Variants in RMND5A observed in about 807,000 individuals in gnomAD.
RMND5A encodes the protein E3 ubiquitin-protein transferase RMND5A.
In RMND5A, 17 loss-of-function variants were observed where a neutral mutation model predicts 49.7. The ratio of observed to expected loss-of-function variants is 0.34; its 90% CI spans 0.23 to 0.51. The LOEUF is 0.51. Among genes scored for constraint, RMND5A ranks in the 20% least tolerant of loss-of-function variants. The probability of loss-of-function intolerance (pLI) is 0.96; values close to 1 mark genes in which losing one functional copy is unlikely to be tolerated. For synonymous variants in RMND5A, 156 were observed against 167.7 expected (o/e 0.93, Z 0.54); for missense variants, 255 against 471.3 (o/e 0.54, Z 4.25).
chr2:86,744,652 A>G (rs180779046), intron 2 of RMND5A, among the ~76,000 whole-genome samples: 141 of 152,258 alleles, frequency 9.3e-4, no homozygotes, highest in Non-Finnish European at 1.5e-3. Context: ...AGCAGAATAG[A>G]AGTTTCTGGT....
At position 86,774,064 on chromosome 2, in the gene RMND5A, G is replaced by C. The variant is rs1163845612; in HGVS notation, c.*653G>C. On this transcript the variant is annotated 3_prime_UTR_variant, in exon 9 of 9. Coordinates refer to ENST00000283632, the MANE Select transcript of RMND5A (RefSeq NM_022780.4). ...ATTTCATTGTTTAACTGGCTGGTGT[G>C]AGAAGTCTTCCGTTAGCATAGAGTG... is the stretch of plus-strand genomic sequence containing the variant. 1 of 152,666 alleles carries C rather than the reference G, an allele frequency of 6.6e-6. No individual in the cohort carries two copies. The highest frequency in any genetic ancestry group is 1.5e-5 in the Non-Finnish European group (1 of 68,048). 9.5% of individuals were successfully genotyped at this position (152,666 alleles called of 1,614,324 possible).
chr2:86,747,279 C>A (rs1384369438), intron 2 of RMND5A, among the ~76,000 whole-genome samples: 1 of 152,172 alleles, frequency 6.6e-6, no homozygotes, highest in African/African-American at 2.4e-5. Flanking sequence ...GAAGGTGGGG[C>A]ATCTTCTCAT....
chr2:86,771,794 A>T (rs1421570680), intron 8 of RMND5A, 82 bp downstream of exon 8: 2 of 1,140,988 alleles, frequency 1.8e-6, no homozygotes, highest in Admixed American at 2.2e-5. Flanking sequence ...GATGAGGATT[A>T]AAAAAATGTA....
At chr2:86,721,655 G>T (rs765612790) in intron 1 of RMND5A, among the ~76,000 whole-genome samples, 1 of 151,638 alleles carries the variant, frequency 6.6e-6, no homozygotes, top group East Asian at 1.9e-4. Flanking sequence ...TACTTTTAAA[G>T]GTTTGGTTTT....
chr2:86,764,840 C>A (rs1672563634), intron 4 of RMND5A, among the ~76,000 whole-genome samples, 187 bp from the exon 5 acceptor site: 1 of 152,166 alleles, frequency 6.6e-6, no homozygotes. Context: ...GGCTGAAGGG[C>A]CTCTGCAAGT....
At chr2:86,772,680 T>TGC (rs2104413882) in intron 8 of RMND5A, among the ~76,000 whole-genome samples, 1 of 151,984 alleles carries the variant, frequency 6.6e-6, no homozygotes, top group Admixed American at 6.6e-5. Flanking sequence ...CTGCAACCTC[T>TGC]GCCTCCTGGG....
intron 5 of RMND5A, 58 bp from the exon 6 acceptor site, chr2:86,765,800 GC>G: frequency 6.7e-7 from 1 of 1,503,600 alleles, no homozygotes; most frequent in South Asian, 1.2e-5. Context: ...GGGTATTCTT[GC>G]TTTTCGCAGC....
Position 86,765,909 on chromosome 2 carries a change from A to G in RMND5A, c.739A>G (p.Asn247Asp). ...SLVYLRQGIE[N>D]SPYVHLLDAN... The stretch of plus-strand genomic sequence containing the variant: ...TGTGTACCTGAGACAAGGGATTGAG[A>G]ACTCACCATATGTTCACCTACTTGA... The change falls in exon 6 of 9, where the codon AAC becomes GAC. Residue 247 changes from asparagine to aspartate, a missense_variant. Physicochemically the swap from Asn to Asp is conservative, Grantham distance 23. Transcript: ENST00000283632. 1.2e-6 allele frequency: 2 copies of G among 1,614,118 alleles called. No homozygotes were observed. The highest frequency in any genetic ancestry group is 1.7e-6 in the Non-Finnish European group (2 of 1,180,026).
chr2:86,763,757 CAG>C (rs1330242749), intron 4 of RMND5A, among the ~76,000 whole-genome samples: 1 of 151,052 alleles, frequency 6.6e-6, no homozygotes. Context: ...GCCTGGGTGG[CAG>C]AGTGAGACCC....
intron 2 of RMND5A, among the ~76,000 whole-genome samples, chr2:86,750,270 C>A (rs532009428): frequency 1.3e-5 from 2 of 152,310 alleles, no homozygotes; most frequent in East Asian, 1.9e-4. Context: ...TGTCTGAAGA[C>A]TTTAGCAATA....
chr2:86,720,647 C>G lies in RMND5A; in HGVS notation c.-21C>G. 1.3e-6 allele frequency: 2 copies of G among 1,527,650 alleles called. No individual in the cohort carries two copies. The highest frequency in any genetic ancestry group is 2.3e-4 in the Middle Eastern group (1 of 4,350). The allele number at this position is 1,527,650 out of a possible 1,614,324, so 94.6% of individuals were successfully genotyped here. On this transcript the variant is annotated 5_prime_UTR_variant, in exon 1 of 9. Transcript: ENST00000283632. ...CTGCGGACACCTGGGCGCCGAGGAG[C>G]CGAGCGCCGCCGCCTCCGGCATGGA...
chr2:86,770,937 A>G (rs1174275955), intron 7 of RMND5A, among the ~76,000 whole-genome samples: 1 of 152,172 alleles, frequency 6.6e-6, no homozygotes, highest in Non-Finnish European at 1.5e-5. Flanking sequence ...TGAAAAGCTA[A>G]CATACGCATT....
At chr2:86,763,018 G>A (rs1316667307) in intron 4 of RMND5A, among the ~76,000 whole-genome samples, 1 of 151,868 alleles carries the variant, frequency 6.6e-6, no homozygotes, top group African/African-American at 2.4e-5. Context: ...ACTGCAGCCT[G>A]GGCAACGAAA....
intron 6 of RMND5A, among the ~76,000 whole-genome samples, chr2:86,766,879 T>G (rs1190524245): frequency 2.0e-5 from 3 of 152,106 alleles, no homozygotes; most frequent in Non-Finnish European, 4.4e-5. Flanking sequence ...ATTATTAGTT[T>G]TATTAAATCT....
chr2:86,753,381 T>A, intron 3 of RMND5A, 77 bp from the exon 4 acceptor site: 1 of 819,228 alleles, frequency 1.2e-6, no homozygotes, highest in Non-Finnish European at 2.0e-6. Context: ...TATTTTACAA[T>A]CTAGAATATA....
intron 4 of RMND5A, among the ~76,000 whole-genome samples, chr2:86,755,061 A>G (rs948456885): frequency 6.6e-6 from 1 of 152,194 alleles, no homozygotes; most frequent in African/African-American, 2.4e-5. Context: ...CTGGGAGATA[A>G]ATTCAACCAA....
intron 2 of RMND5A, among the ~76,000 whole-genome samples, chr2:86,745,437 C>T (rs1350499506): frequency 6.6e-6 from 1 of 152,142 alleles, no homozygotes; most frequent in Non-Finnish European, 1.5e-5. Flanking sequence ...TTTAGAGCAG[C>T]AGAACAGTGA....
chr2:86,762,669 T>A (rs1672515215), intron 4 of RMND5A, among the ~76,000 whole-genome samples: 1 of 136,832 alleles, frequency 7.3e-6, no homozygotes, highest in African/African-American at 2.8e-5. Context: ...TTTTTTTATA[T>A]ATATATATAT....
rs1681543463 is a variant in RMND5A at position 86,746,709 on chromosome 2, A to AT, written c.286-5186dup. Among the ~76,000 whole-genome samples, 9 of 152,252 alleles carry AT rather than the reference A, an allele frequency of 5.9e-5. No individual in the cohort carries two copies. The South Asian group carries it at 1.9e-3, about 31-fold the overall frequency. ...CTTTCCATAGAATGGTAAGAGATAC[A>AT]TATCATCCTTGGAAGAATTAATAAA... On this transcript the variant is annotated intron_variant, in intron 2 of 8. Coordinates refer to ENST00000283632, the MANE Select transcript of RMND5A (RefSeq NM_022780.4).
Sources: allele counts gnomAD v4.1 joint callset (sites outside exome capture counted in the v4.1 genomes callset), GRCh38; gene constraint gnomAD v4.1.1; transcripts MANE v1.5; gene names NCBI Gene and HGNC (gene_info 2026-07-23, HGNC 2026-07-21).